The following GRID1 variants were observed in gnomAD, a reference collection of about 807,000 sequenced individuals.
GRID1 encodes glutamate receptor ionotropic, delta-1.
Under a neutral mutation model 98.0 loss-of-function variants are expected in GRID1, and 28 were observed. The observed-to-expected ratio is 0.29, with a 90% CI of 0.21 to 0.39. The LOEUF (loss-of-function observed/expected upper bound fraction) is 0.39, where lower values mean the gene tolerates loss of function less well. Among genes scored for constraint, GRID1 ranks in the 10% least tolerant of loss-of-function variants. GRID1 has a pLI of 1.00. For synonymous variants in GRID1, 553 were observed against 538.5 expected (o/e 1.03, Z -0.37); for missense variants, 1,111 against 1,340.5 (o/e 0.83, Z 2.67).
intron 6 of GRID1, among the ~76,000 whole-genome samples, chr10:85,863,460 T>C (rs1009495495): frequency 1.3e-5 from 2 of 152,182 alleles, no homozygotes; most frequent in African/African-American, 4.8e-5. Context: ...AGTGGATGTC[T>C]TGTGCAGAAG....
chr10:85,753,225 T>C (rs1447598332), intron 8 of GRID1, among the ~76,000 whole-genome samples: 1 of 152,256 alleles, frequency 6.6e-6, no homozygotes, highest in East Asian at 1.9e-4. Flanking sequence ...CATTTTATTA[T>C]ACTCTATAAA....
chr10:85,763,308 C>T (rs993976732), intron 8 of GRID1, among the ~76,000 whole-genome samples: 3 of 152,196 alleles, frequency 2.0e-5, no homozygotes, highest in Admixed American at 6.5e-5. Flanking sequence ...TACATTTTCT[C>T]TTACGAGGAA....
intron 13 of GRID1, among the ~76,000 whole-genome samples, chr10:85,644,928 G>C (rs1394097885): frequency 6.6e-6 from 1 of 152,152 alleles, no homozygotes; most frequent in African/African-American, 2.4e-5. Context: ...CTCTTCATTT[G>C]ATTACTGGCC....
chr10:85,791,008 A>C (rs1842474897), intron 8 of GRID1, among the ~76,000 whole-genome samples: 1 of 152,132 alleles, frequency 6.6e-6, no homozygotes, highest in South Asian at 2.1e-4. Flanking sequence ...CTCCCCTTCT[A>C]ATCCTGCCTT....
At chr10:85,699,429 T>A (rs1170836929) in intron 12 of GRID1, among the ~76,000 whole-genome samples, 1 of 152,190 alleles carries the variant, frequency 6.6e-6, no homozygotes, top group East Asian at 1.9e-4. Context: ...TGCAAAGATT[T>A]TCCCCCAGTC....
At chr10:85,940,781 G>A (rs1841988352) in intron 4 of GRID1, among the ~76,000 whole-genome samples, 1 of 152,202 alleles carries the variant, frequency 6.6e-6, no homozygotes, top group East Asian at 1.9e-4. Context: ...GTTGACCCAT[G>A]GGGACAACTG....
At chr10:85,639,241 C>A (rs113044261) in intron 13 of GRID1, among the ~76,000 whole-genome samples, 1,779 of 152,076 alleles carry the variant, frequency 0.012, 15 homozygotes, top group Non-Finnish European at 0.015. Flanking sequence ...CCCACACACA[C>A]AAAAAAAGAA....
intron 3 of GRID1, among the ~76,000 whole-genome samples, chr10:86,202,831 A>G (rs575877358): frequency 1.3e-5 from 2 of 152,266 alleles, no homozygotes; most frequent in South Asian, 4.1e-4. Context: ...TTGCCCCACA[A>G]AGGAGGGAGC....
intron 2 of GRID1, among the ~76,000 whole-genome samples, chr10:86,331,938 C>A (rs2132103198): frequency 6.6e-6 from 1 of 152,152 alleles, no homozygotes; most frequent in East Asian, 1.9e-4. Context: ...GGGCCTACTG[C>A]CTGAGACACT....
chr10:85,909,041 A>T (rs887819653), intron 5 of GRID1, among the ~76,000 whole-genome samples: 1 of 152,230 alleles, frequency 6.6e-6, no homozygotes, highest in African/African-American at 2.4e-5. Context: ...TCTGATTTTT[A>T]AAAAATCTTT....
At chr10:86,215,446 T>C (rs1391288744) in intron 2 of GRID1, among the ~76,000 whole-genome samples, 2 of 152,216 alleles carry the variant, frequency 1.3e-5, no homozygotes, top group Non-Finnish European at 2.9e-5. Flanking sequence ...GGTGGGATCA[T>C]GCTCGCTTAT....
intron 5 of GRID1, among the ~76,000 whole-genome samples, chr10:85,909,476 C>G (rs554195327): frequency 6.6e-6 from 1 of 152,158 alleles, no homozygotes; most frequent in South Asian, 2.1e-4. Context: ...TTTGTAATAG[C>G]AAAAAACCTA....
chr10:86,301,568 C>T (rs1847687774), intron 2 of GRID1, among the ~76,000 whole-genome samples: 1 of 152,194 alleles, frequency 6.6e-6, no homozygotes, highest in South Asian at 2.1e-4. Context: ...AGCAGATGGA[C>T]CCTTGGCCAC....
intron 4 of GRID1, among the ~76,000 whole-genome samples, chr10:86,033,464 TTAGGTG>T (rs1249252835): frequency 1.3e-5 from 2 of 152,166 alleles, no homozygotes; most frequent in Admixed American, 1.3e-4. Context: ...AGGCTGGGAA[TTAGGTG>T]TAGATGAGAT....
At chr10:85,925,434 T>G (rs1307420617) in intron 4 of GRID1, among the ~76,000 whole-genome samples, 2 of 152,198 alleles carry the variant, frequency 1.3e-5, no homozygotes, top group Non-Finnish European at 2.9e-5. Flanking sequence ...GCCACCAGCC[T>G]CTGCAGTGTG....
Position 85,613,783 on chromosome 10 carries a change from T to G in GRID1, c.2361-136A>C. ...TCCTAGCAGCTTTCTGCCTTAGCTCTTCTCTTCCCAGTCTACTCTCCACAC... is the reference window on the plus strand; with the variant it reads ...TCCTAGCAGCTTTCTGCCTTAGCTCGTCTCTTCCCAGTCTACTCTCCACAC... On this transcript the variant is annotated intron_variant, in intron 14 of 15. Transcript: ENST00000327946. 3.8e-6 allele frequency: 4 copies of G among 1,041,880 alleles called. No homozygotes were observed. The East Asian group carries it at 9.7e-5, about 25-fold the overall frequency. The allele number at this position is 1,041,880 out of a possible 1,614,324, so 64.5% of individuals were successfully genotyped here. A position where few individuals can be genotyped will look rare whatever the true frequency, so the allele number is the denominator to read the frequency against.
intron 12 of GRID1, among the ~76,000 whole-genome samples, chr10:85,704,192 A>G (rs1250985283): frequency 1.3e-5 from 2 of 152,210 alleles, no homozygotes; most frequent in Non-Finnish European, 2.9e-5. Flanking sequence ...TAAAGAGTCA[A>G]GACCCATCAG....
chr10:85,948,563 G>A (rs1224491973), intron 4 of GRID1, among the ~76,000 whole-genome samples: 1 of 152,200 alleles, frequency 6.6e-6, no homozygotes, highest in Non-Finnish European at 1.5e-5. Flanking sequence ...AAAACATTAT[G>A]AACCTATCTT....
At chr10:85,929,399 G>C (rs573261722) in intron 4 of GRID1, among the ~76,000 whole-genome samples, 1 of 152,246 alleles carries the variant, frequency 6.6e-6, no homozygotes, top group African/African-American at 2.4e-5. Flanking sequence ...GCCTCCCATG[G>C]CTTTCTGGGC....
Sources: allele counts gnomAD v4.1 joint callset (sites outside exome capture counted in the v4.1 genomes callset), GRCh38; gene constraint gnomAD v4.1.1; transcripts MANE v1.5; gene names NCBI Gene and HGNC (gene_info 2026-07-23, HGNC 2026-07-21).